Variants in SLCO1B3 observed in about 807,000 individuals in gnomAD.
SLCO1B3 encodes liver-specific organic anion transporter 2.
In SLCO1B3, 72 loss-of-function variants were observed where a neutral mutation model predicts 71.8. The observed-to-expected ratio is 1.00, with a 90% CI of 0.83 to 1.22. The LOEUF is 1.22. SLCO1B3 is among the 50% of genes most tolerant of loss of function. The pLI is 0.00. For missense variants in SLCO1B3, 911 were observed against 819.7 expected, an observed-to-expected ratio of 1.11 and a Z score of -1.36; for synonymous variants, 298 against 278.4, an observed-to-expected ratio of 1.07 and a Z score of -0.70.
chr12:20,877,851 C>T lies in SLCO1B3; in HGVS notation c.1050C>T (p.Ser350=). Residue 350 remains serine (S), a synonymous_variant, in exon 10 of 16, where the codon AGC becomes AGT. Coordinates refer to ENST00000381545, the MANE Select transcript of SLCO1B3 (RefSeq NM_019844.4). ...TGCTTTTGACATTGTTACAAGTAAG[C>T]AGCTTTATTGGTTCTTTTACTTACG... The part of the protein sequence containing the change: ...IFLLLTLLQV[S]SFIGSFTYVF... The T allele has an allele frequency of 6.3e-7, 1 of 1,584,568 alleles. No homozygotes were observed. Among genetic ancestry groups the T allele is most frequent in the East Asian group, 2.3e-5 (1 of 42,824 alleles).
At chr12:20,904,922 C>T (rs1459857409) in intron 15 of SLCO1B3, among the ~76,000 whole-genome samples, 1 of 151,924 alleles carries the variant, frequency 6.6e-6, no homozygotes, top group Non-Finnish European at 1.5e-5. Flanking sequence ...CACAGGCATG[C>T]ACCACCATAC....
chr12:20,855,726 A>G (rs1422041319), intron 4 of SLCO1B3, among the ~76,000 whole-genome samples: 2 of 151,008 alleles, frequency 1.3e-5, no homozygotes, highest in African/African-American at 4.8e-5. Flanking sequence ...TTCTCCAACA[A>G]TAGTGAGATT....
At chr12:20,914,790 T>A (rs12371715) in intron 15 of SLCO1B3, among the ~76,000 whole-genome samples, 1 of 152,084 alleles carries the variant, frequency 6.6e-6, no homozygotes, top group African/African-American at 2.4e-5. Flanking sequence ...TACAGAATTT[T>A]TAAGTTGGTG....
intron 3 of SLCO1B3, among the ~76,000 whole-genome samples, chr12:20,828,014 A>G (rs1263593025): frequency 1.3e-5 from 2 of 152,188 alleles, no homozygotes; most frequent in African/African-American, 4.8e-5. Context: ...AATGGATACC[A>G]AGTCAAACAT....
chr12:20,848,068 C>T (rs933658473), intron 3 of SLCO1B3, among the ~76,000 whole-genome samples: 13 of 152,100 alleles, frequency 8.5e-5, no homozygotes, highest in African/African-American at 3.1e-4. Flanking sequence ...TTGTCAGAAA[C>T]TATGGAGACT....
intron 8 of SLCO1B3, among the ~76,000 whole-genome samples, chr12:20,866,688 C>G (rs913847353): frequency 1.3e-5 from 2 of 151,578 alleles, no homozygotes; most frequent in Admixed American, 1.3e-4. Flanking sequence ...GAAAGGACAT[C>G]TACCTGAGCA....
chr12:20,850,440 C>G (rs1004093899), intron 3 of SLCO1B3, among the ~76,000 whole-genome samples: 1 of 151,888 alleles, frequency 6.6e-6, no homozygotes, highest in Non-Finnish European at 1.5e-5. Flanking sequence ...CCACCACTCC[C>G]GGCTAATTTT....
At chr12:20,833,222 T>TAA (rs1864580979) in intron 3 of SLCO1B3, among the ~76,000 whole-genome samples, 2 of 150,392 alleles carry the variant, frequency 1.3e-5, no homozygotes, top group South Asian at 4.1e-4. Flanking sequence ...GTCAATCTCT[T>TAA]TGTTTTAAGT....
intron 3 of SLCO1B3, chr12:20,845,307 AACAAT>A: frequency 1.5e-4 from 3 of 20,668 alleles, no homozygotes; most frequent in Non-Finnish European, 1.0e-3. Flanking sequence ...GACCCTGATC[AACAAT>A]GAGTAGAAAC....
At chr12:20,833,567 T>C (rs1184080563) in intron 3 of SLCO1B3, among the ~76,000 whole-genome samples, 1 of 148,708 alleles carries the variant, frequency 6.7e-6, no homozygotes, top group Non-Finnish European at 1.5e-5. Context: ...GTTTACTATA[T>C]ATACATGAAT....
intron 15 of SLCO1B3, among the ~76,000 whole-genome samples, chr12:20,912,517 TTTTTC>T (rs1565611470): frequency 1.3e-5 from 2 of 149,834 alleles, no homozygotes; most frequent in South Asian, 2.1e-4. Flanking sequence ...TTTTTTGTAT[TTTTTC>T]TTTTCTTTTC....
chr12:20,881,117 A>C, intron 12 of SLCO1B3, 97 bp downstream of exon 12: 6 of 873,106 alleles, frequency 6.9e-6, no homozygotes, highest in Non-Finnish European at 1.0e-5. Flanking sequence ...TAAGGTCTCC[A>C]ATAAAAAGAT....
intron 3 of SLCO1B3, 48 bp from the exon 4 acceptor site, chr12:20,854,980 A>G (rs1224519934): frequency 1.3e-6 from 2 of 1,538,524 alleles, no homozygotes; most frequent in Admixed American, 1.8e-5. Flanking sequence ...TAAACATTAT[A>G]TAGTTCTTTG....
rs576966371 is a variant in SLCO1B3 at position 20,822,382 on chromosome 12, C to T, written c.84+6560C>T. On this transcript the variant is annotated intron_variant, in intron 3 of 15. Transcript: ENST00000381545. ...GGGGTTGTTCTCTGGTGGGCAGGGG[C>T]GGGGGTCACAAGGTGCTCGGTGGGG... 1.2e-3 allele frequency among the ~76,000 whole-genome samples: 172 copies of T among 143,560 alleles called. 2 individuals carry two copies. Among genetic ancestry groups the T allele is most frequent in the African/African-American group, 4.1e-3 (158 of 38,832 alleles). The allele number at this position is 143,560 out of a possible 152,430, so 94.2% of individuals were successfully genotyped here.
chr12:20,822,394 G>A (rs1243420164), intron 3 of SLCO1B3, among the ~76,000 whole-genome samples: 1 of 152,144 alleles, frequency 6.6e-6, no homozygotes, highest in Non-Finnish European at 1.5e-5. Context: ...GGGGTCACAA[G>A]GTGCTCGGTG....
intron 3 of SLCO1B3, among the ~76,000 whole-genome samples, chr12:20,821,155 T>C (rs960677536): frequency 5.3e-5 from 8 of 151,396 alleles, no homozygotes; most frequent in Admixed American, 4.6e-4. Flanking sequence ...GAAGGAAGAT[T>C]TGGGATGAAT....
At chr12:20,853,542 A>C (rs1200388927) in intron 3 of SLCO1B3, among the ~76,000 whole-genome samples, 3 of 151,920 alleles carry the variant, frequency 2.0e-5, no homozygotes, top group Non-Finnish European at 4.4e-5. Context: ...CATCTCTTAT[A>C]ATTCTTTTTA....
intron 3 of SLCO1B3, among the ~76,000 whole-genome samples, chr12:20,829,790 A>G (rs1864501870): frequency 6.6e-6 from 1 of 152,202 alleles, no homozygotes; most frequent in Non-Finnish European, 1.5e-5. Flanking sequence ...ATGATATGCT[A>G]AACAAGGGGT....
chr12:20,834,283 A>C (rs1591751368), intron 3 of SLCO1B3, among the ~76,000 whole-genome samples: 1 of 107,836 alleles, frequency 9.3e-6, no homozygotes, highest in Middle Eastern at 9.4e-3. Flanking sequence ...ATATACATGG[A>C]GAATATATAT....
Sources: allele counts gnomAD v4.1 joint callset (sites outside exome capture counted in the v4.1 genomes callset), GRCh38; gene constraint gnomAD v4.1.1; transcripts MANE v1.5; gene names NCBI Gene and HGNC (gene_info 2026-07-23, HGNC 2026-07-21).